The following BRAT1 variants were observed in gnomAD, a reference collection of about 807,000 sequenced individuals.
The protein encoded by BRAT1 is integrator complex assembly factor BRAT1.
BRAT1 carries 74 observed loss-of-function variants against 70.6 expected under a neutral mutation model. That is an observed-to-expected ratio of 1.05 (90% CI 0.87 to 1.27). The LOEUF (loss-of-function observed/expected upper bound fraction) is 1.27. BRAT1 is among the 50% of genes most tolerant of loss of function. The pLI is 0.00. For synonymous variants in BRAT1, 615 were observed against 517.1 expected (o/e 1.19, Z -2.57); for missense variants, 1,203 against 1,098.2 (o/e 1.10, Z -1.35).
chr7:2,553,935 C>G (rs1780222670), intron 2 of BRAT1, among the ~76,000 whole-genome samples: 1 of 152,140 alleles, frequency 6.6e-6, no homozygotes, highest in East Asian at 1.9e-4. Flanking sequence ...GTATGAGCCA[C>G]TGCATCCGGC....
chr7:2,542,484 G>A, intron 6 of BRAT1: 1 of 531,384 alleles, frequency 1.9e-6, no homozygotes, highest in South Asian at 2.1e-5. Context: ...CCAGAGAGAG[G>A]GGCAGTGCCC....
At chr7:2,541,624 T>C in intron 8 of BRAT1, 94 bp downstream of exon 8, 1 of 1,464,352 alleles carries the variant, frequency 6.8e-7, no homozygotes, top group Non-Finnish European at 9.2e-7. Context: ...GCAAGGGTGC[T>C]GGGGCAGCAA....
chr7:2,550,229 G>A (rs1363313248), intron 2 of BRAT1, among the ~76,000 whole-genome samples: 1 of 150,608 alleles, frequency 6.6e-6, no homozygotes, highest in Admixed American at 6.6e-5. Flanking sequence ...CGATTTGAGA[G>A]GCCAAGGCGG....
intron 2 of BRAT1, among the ~76,000 whole-genome samples, chr7:2,550,868 C>G (rs1316356054): frequency 2.0e-5 from 3 of 152,156 alleles, no homozygotes; most frequent in Non-Finnish European, 2.9e-5. Context: ...GTCCATTTCT[C>G]ATGTCAGACG....
In BRAT1 at chr7:2,543,076, A is replaced by G; in HGVS notation, c.923+128T>C. 4 of 1,257,270 alleles carry G rather than the reference A, an allele frequency of 3.2e-6. No individual in the cohort carries two copies. 77.9% of individuals were successfully genotyped at this position (1,257,270 alleles called of 1,614,324 possible). A position where few individuals can be genotyped will look rare whatever the true frequency, so the allele number is the denominator to read the frequency against. On this transcript the variant is annotated intron_variant, in intron 6 of 13. Transcript: ENST00000340611. This position sits in a 1 kb window ranked among gnomAD's most constrained non-coding sequence, Gnocchi z 5.5. Reference sequence around the variant, plus strand: ...CGCAACCCACGCACCACCCAGTCACACCCCGCACGGCCGCCTGACTGTCCC... The same window carrying G: ...CGCAACCCACGCACCACCCAGTCACGCCCCGCACGGCCGCCTGACTGTCCC...
chr7:2,549,385 G>A (rs996759332), intron 2 of BRAT1, among the ~76,000 whole-genome samples: 1 of 152,158 alleles, frequency 6.6e-6, no homozygotes, highest in Non-Finnish European at 1.5e-5. Context: ...GCTGAGATGG[G>A]AAGATCACCT....
rs917217042 is a variant in BRAT1 at position 2,543,089 on chromosome 7, G to A, written c.923+115C>T. 6.5e-6 allele frequency: 9 copies of A among 1,377,250 alleles called. No individual in the cohort carries two copies. The highest frequency in any genetic ancestry group is 2.6e-5 in the East Asian group (1 of 38,244). The allele number at this position is 1,377,250 out of a possible 1,614,324, so 85.3% of individuals were successfully genotyped here. A position where few individuals can be genotyped will look rare whatever the true frequency, so the allele number is the denominator to read the frequency against. On this transcript the variant is annotated intron_variant, in intron 6 of 13. Transcript: ENST00000340611. The surrounding 1 kb of genome is among the most constrained non-coding windows in gnomAD (Gnocchi z 5.5). ...CCACCCAGTCACACCCCGCACGGCC[G>A]CCTGACTGTCCCTGGTGTCCGGAAC...
At position 2,547,219 on chromosome 7, in the gene BRAT1, G is replaced by A. The variant is rs1374969459; in HGVS notation, c.282+105C>T. ...TGAGGACACAGGGTCGGGGCAGGCC[G>A]CTGGGACTTGGGATGGTGATGGCTA... is the stretch of plus-strand genomic sequence containing the variant. On this transcript the variant is annotated intron_variant, in intron 3 of 13. Transcript: ENST00000340611. 3.7e-5 allele frequency: 53 copies of A among 1,429,578 alleles called. 1 individual carries two copies. Among genetic ancestry groups the A allele is most frequent in the Non-Finnish European group, 4.0e-5 (41 of 1,033,668 alleles). 88.6% of individuals were successfully genotyped at this position (1,429,578 alleles called of 1,614,324 possible). A position where few individuals can be genotyped will look rare whatever the true frequency, so the allele number is the denominator to read the frequency against.
Position 2,537,862 on chromosome 7 carries a change from C to T in BRAT1, c.*207G>A, listed in dbSNP as rs1305193050. ...TAACTCAAAAAGGGTTAAAGAAAGA[C>T]TTCAATGCCATTTATTTTGAGTAGA... On this transcript the variant is annotated 3_prime_UTR_variant, in exon 14 of 14. Coordinates refer to ENST00000340611, the MANE Select transcript of BRAT1 (RefSeq NM_152743.4). The T allele has an allele frequency of 1.1e-5, 9 of 815,246 alleles. No individual in the cohort carries two copies. In the African/African-American group the frequency reaches 1.2e-4, roughly 11 times the overall value. 50.5% of individuals were successfully genotyped at this position (815,246 alleles called of 1,614,324 possible). A position where few individuals can be genotyped will look rare whatever the true frequency, so the allele number is the denominator to read the frequency against.
Position 2,543,954 on chromosome 7 carries a change from C to T in BRAT1, c.439G>A (p.Asp147Asn), listed in dbSNP as rs1008248711. The change falls in exon 5 of 14, where the codon GAC becomes AAC. Residue 147 changes from aspartate to asparagine, a missense_variant. Asp to Asn is a conservative substitution (Grantham distance 23). Coordinates refer to ENST00000340611, the MANE Select transcript of BRAT1 (RefSeq NM_152743.4). This position sits in a 1 kb window ranked among gnomAD's most constrained non-coding sequence, Gnocchi z 5.5. Reference protein sequence around the residue: ...LRFLADHGAVDTIFSLQGDSS... With the variant: ...LRFLADHGAVNTIFSLQGDSS... ...TCTCCCTGCAGGGAGAAGATGGTGT[C>T]GACCGCACCTGGGTAGGGGATGGGG... 14 of 1,567,994 alleles carry T rather than the reference C, an allele frequency of 8.9e-6. No homozygotes were observed. The highest frequency in any genetic ancestry group is 1.7e-4 in the Middle Eastern group (1 of 5,916).
chr7:2,538,770 G>T lies in BRAT1; in HGVS notation c.1771-6C>A. 1 of 1,598,148 alleles carries T rather than the reference G, an allele frequency of 6.3e-7. No individual in the cohort carries two copies. The highest frequency in any genetic ancestry group is 8.5e-7 in the Non-Finnish European group (1 of 1,179,772). ...AGGAGCTCCAGGAACAGGCTCTGGGGGACAGGGAGCAAGTGCGGATGGTTG... is the reference window on the plus strand; with the variant it reads ...AGGAGCTCCAGGAACAGGCTCTGGGTGACAGGGAGCAAGTGCGGATGGTTG... On this transcript the variant is annotated splice_polypyrimidine_tract_variant and splice_region_variant and intron_variant, in intron 13 of 13. Coordinates refer to ENST00000340611, the MANE Select transcript of BRAT1 (RefSeq NM_152743.4).
chr7:2,541,218 G>A (rs1238004445), intron 9 of BRAT1, 80 bp downstream of exon 9: 80 of 1,475,550 alleles, frequency 5.4e-5, no homozygotes, highest in Non-Finnish European at 7.1e-5. Context: ...AGGGACAGCA[G>A]TTCCCGGGTG....
intron 4 of BRAT1, 68 bp from the exon 5 acceptor site, chr7:2,544,030 G>GCC: frequency 9.8e-6 from 10 of 1,021,546 alleles, no homozygotes; most frequent in South Asian, 1.8e-5. Context: ...GAGGCAGAGG[G>GCC]CCTCAGGGAA....
intron 1 of BRAT1, 88 bp from the exon 2 acceptor site, chr7:2,554,535 C>G: frequency 6.9e-7 from 1 of 1,448,714 alleles, no homozygotes; most frequent in South Asian, 1.4e-5. Context: ...CCTGCTCAGG[C>G]CTGGGAAGGG....
At chr7:2,546,117 G>A (rs1376993308) in intron 3 of BRAT1, among the ~76,000 whole-genome samples, 1 of 152,234 alleles carries the variant, frequency 6.6e-6, no homozygotes, top group Non-Finnish European at 1.5e-5. Flanking sequence ...ACACAGCTCT[G>A]GGAGGCTCTC....
rs776870936 is a variant in BRAT1 at position 2,539,128 on chromosome 7, C to T, written c.1770+51G>A. 6.4e-6 allele frequency: 10 copies of T among 1,551,490 alleles called. No individual in the cohort carries two copies. In the Admixed American group the frequency reaches 1.6e-4, roughly 25 times the overall value. ...TCGACCACCCGCAAGCAAACGAGCA[C>T]ACACGATGGCCAGGCGGGAGTTGCT... is the stretch of plus-strand genomic sequence containing the variant. On this transcript the variant is annotated intron_variant, in intron 13 of 13. Coordinates refer to ENST00000340611, the MANE Select transcript of BRAT1 (RefSeq NM_152743.4).
chr7:2,552,033 G>T (rs1339814442), intron 2 of BRAT1, among the ~76,000 whole-genome samples: 2 of 130,458 alleles, frequency 1.5e-5, no homozygotes, highest in African/African-American at 5.8e-5. Flanking sequence ...AATGTAAAAC[G>T]TGTAAGATGT....
rs1159646565 is a variant in BRAT1, at chr7:2,539,632, A to G, written c.1509T>C (p.Pro503=). The change falls in exon 12 of 14, where the codon CCT becomes CCC. Residue 503 remains proline, a synonymous_variant. Coordinates refer to ENST00000340611, the MANE Select transcript of BRAT1 (RefSeq NM_152743.4). ...LIPQFLRELF[P]VLQKRLCHPC... ...GGTGGCACAGGCGTTTCTGCAGCAC[A>G]GGGAACAGCTCTAGGGTGGGAAGGG... 1 of 1,594,322 alleles carries G rather than the reference A, an allele frequency of 6.3e-7. No individual in the cohort carries two copies. The highest frequency in any genetic ancestry group is 1.7e-5 in the Admixed American group (1 of 57,650).
intron 2 of BRAT1, among the ~76,000 whole-genome samples, chr7:2,548,122 G>C (rs1017706114): frequency 6.6e-6 from 1 of 151,060 alleles, no homozygotes; most frequent in African/African-American, 2.4e-5. Flanking sequence ...AAGTGGAAGA[G>C]CATTTTCACC....
Sources: gnomAD v4.1 joint callset for allele counts (sites outside exome capture counted in the v4.1 genomes callset) on GRCh38, gnomAD v4.1.1 for gene constraint, Gnocchi (gnomAD v3.1) non-coding constraint, MANE v1.5 for transcripts, NCBI Gene and HGNC (gene_info 2026-07-23, HGNC 2026-07-21) for gene names.